The following FOXN3 variants were observed in gnomAD, a reference collection of about 807,000 sequenced individuals.
The protein encoded by FOXN3 is forkhead box protein N3.
Under a neutral mutation model 38.4 loss-of-function variants are expected in FOXN3, and 7 were observed. The ratio of observed to expected loss-of-function variants is 0.18; its 90% CI spans 0.10 to 0.34. The LOEUF is 0.34. FOXN3 is among the 10% of genes least tolerant of loss of function. The probability of loss-of-function intolerance (pLI) is 1.00; values close to 1 mark genes in which losing one functional copy is unlikely to be tolerated. For missense variants in FOXN3, 456 were observed against 613.4 expected, an observed-to-expected ratio of 0.74 and a Z score of 2.71; for synonymous variants, 230 against 242.2, an observed-to-expected ratio of 0.95 and a Z score of 0.47.
intron 2 of FOXN3, among the ~76,000 whole-genome samples, chr14:89,395,255 C>T (rs966106168): frequency 4.6e-5 from 7 of 152,048 alleles, no homozygotes; most frequent in African/African-American, 9.7e-5. Flanking sequence ...AACACGTGTC[C>T]GGGACAATTC....
At chr14:89,550,947 AAC>A (rs1894993471) in intron 1 of FOXN3, among the ~76,000 whole-genome samples, 1 of 152,172 alleles carries the variant, frequency 6.6e-6, no homozygotes, top group East Asian at 1.9e-4. Context: ...GCAGGGAAGA[AAC>A]AGTCTTCTAC....
chr14:89,304,175 AAC>A (rs1887303641), intron 3 of FOXN3, among the ~76,000 whole-genome samples: 1 of 152,234 alleles, frequency 6.6e-6, no homozygotes, highest in Non-Finnish European at 1.5e-5. Context: ...GGCAGCTGTG[AAC>A]ACACTCCAGC....
intron 2 of FOXN3, among the ~76,000 whole-genome samples, chr14:89,395,442 T>G (rs934988069): frequency 2.0e-5 from 3 of 152,064 alleles, no homozygotes; most frequent in Non-Finnish European, 2.9e-5. Flanking sequence ...CAGTACAGCA[T>G]CCAAGCTTTC....
At chr14:89,216,168 C>T (rs535850660) in intron 4 of FOXN3, among the ~76,000 whole-genome samples, 9 of 152,160 alleles carry the variant, frequency 5.9e-5, no homozygotes, top group South Asian at 4.1e-4. Flanking sequence ...CCTGTGGACA[C>T]GCACACAGGT....
intron 4 of FOXN3, among the ~76,000 whole-genome samples, chr14:89,194,110 T>G (rs1888035322): frequency 6.6e-6 from 1 of 152,232 alleles, no homozygotes; most frequent in Non-Finnish European, 1.5e-5. Context: ...TACATGGTTT[T>G]TTTTTCTCAG....
rs188013551 is a variant in FOXN3, at chr14:89,550,230, G to A, written c.-15+68798C>T. Among the ~76,000 whole-genome samples, 433 of 152,228 alleles carry A rather than the reference G, an allele frequency of 2.8e-3. 3 individuals are homozygous for A. Among genetic ancestry groups the A allele is most frequent in the African/African-American group, 1.0e-2 (415 of 41,538 alleles). On this transcript the variant is annotated intron_variant, in intron 1 of 6. Coordinates refer to the FOXN3 transcript ENST00000345097. ...ATCCATGTTCCGCCACCCATCTCTG[G>A]GGTAAATGAATCCTTACGTGGACCC... is the stretch of plus-strand genomic sequence containing the variant.
chr14:89,460,243 T>C (rs1261659287), intron 1 of FOXN3, among the ~76,000 whole-genome samples: 1 of 152,060 alleles, frequency 6.6e-6, no homozygotes, highest in African/African-American at 2.4e-5. Context: ...AATGACATCC[T>C]CCAAAGGTCA....
intron 3 of FOXN3, among the ~76,000 whole-genome samples, chr14:89,308,933 C>T (rs899608960): frequency 3.9e-5 from 6 of 152,106 alleles, no homozygotes; most frequent in African/African-American, 1.4e-4. Context: ...TATCTGAAGC[C>T]CCTGGGGACA....
At chr14:89,513,440 A>G (rs1166005779) in intron 1 of FOXN3, among the ~76,000 whole-genome samples, 1 of 151,728 alleles carries the variant, frequency 6.6e-6, no homozygotes, top group Non-Finnish European at 1.5e-5. Context: ...AAGTCTCACT[A>G]TGTTGCCCAG....
chr14:89,383,828 C>A (rs1381168257), intron 2 of FOXN3, among the ~76,000 whole-genome samples: 1 of 148,988 alleles, frequency 6.7e-6, no homozygotes, highest in Non-Finnish European at 1.5e-5. Flanking sequence ...CTTGCTCTGT[C>A]GCCCAGGGTG....
intron 2 of FOXN3, among the ~76,000 whole-genome samples, chr14:89,376,151 C>A (rs932572478): frequency 2.0e-5 from 3 of 152,146 alleles, no homozygotes; most frequent in Non-Finnish European, 4.4e-5. Context: ...AATGGATGAT[C>A]TCATGTCTGG....
At chr14:89,369,417 C>T (rs1473517321) in intron 2 of FOXN3, among the ~76,000 whole-genome samples, 2 of 152,124 alleles carry the variant, frequency 1.3e-5, no homozygotes, top group African/African-American at 2.4e-5. Context: ...ATTTTACGTA[C>T]ATTATTTATT....
At chr14:89,180,634 C>T in intron 5 of FOXN3, 67 bp downstream of exon 5, 1 of 1,156,012 alleles carries the variant, frequency 8.7e-7, no homozygotes, top group Non-Finnish European at 1.2e-6. Context: ...CCAGAAGGGA[C>T]CCCGTGGACA....
At chr14:89,188,068 T>C (rs911969653) in intron 4 of FOXN3, among the ~76,000 whole-genome samples, 2 of 152,118 alleles carry the variant, frequency 1.3e-5, no homozygotes, top group Non-Finnish European at 1.5e-5. Context: ...TGGAGCCCCG[T>C]TCTTGGCCTG....
intron 1 of FOXN3, among the ~76,000 whole-genome samples, chr14:89,485,759 G>A (rs538802678): frequency 6.6e-6 from 1 of 152,130 alleles, no homozygotes; most frequent in Non-Finnish European, 1.5e-5. Context: ...GGGGAGTCTG[G>A]TTCTGGGTGG....
rs555581536 is a variant in FOXN3, at chr14:89,464,621, T to G, written c.-14-52131A>C. Among the ~76,000 whole-genome samples the G allele has an allele frequency of 1.6e-4, 24 of 152,260 alleles. 1 individual carries two copies. Among genetic ancestry groups the G allele is most frequent in the African/African-American group, 5.3e-4 (22 of 41,556 alleles). ...TGAATTGCAGTTCTCATAATCCCCA[T>G]GTGTCACGGGAGGGACCAAGTTGGA... On this transcript the variant is annotated intron_variant, in intron 1 of 6. Coordinates refer to the FOXN3 transcript ENST00000345097.
intron 4 of FOXN3, among the ~76,000 whole-genome samples, chr14:89,206,325 G>A (rs952120815): frequency 1.3e-5 from 2 of 152,188 alleles, no homozygotes; most frequent in South Asian, 4.1e-4. Flanking sequence ...GCCAAACGTG[G>A]TCTCCTCTTG....
intron 1 of FOXN3, among the ~76,000 whole-genome samples, chr14:89,547,096 A>G (rs1894902725): frequency 6.6e-6 from 1 of 152,184 alleles, no homozygotes; most frequent in Admixed American, 6.5e-5. Flanking sequence ...GACACTAGGT[A>G]ATTTATAAAG....
chr14:89,533,723 T>C (rs1210684814), intron 1 of FOXN3, among the ~76,000 whole-genome samples: 1 of 148,564 alleles, frequency 6.7e-6, no homozygotes, highest in Non-Finnish European at 1.5e-5. Flanking sequence ...GAAAGCTTAT[T>C]ATCAGCAAAG....
Sources: gnomAD v4.1 joint callset for allele counts (sites outside exome capture counted in the v4.1 genomes callset) on GRCh38, gnomAD v4.1.1 for gene constraint, MANE v1.5 for transcripts, NCBI Gene and HGNC (gene_info 2026-07-23, HGNC 2026-07-21) for gene names.